The following COL4A2 variants were observed in gnomAD, a reference collection of about 807,000 sequenced individuals.
The protein encoded by COL4A2 is collagen type IV alpha 2 chain, also known as collagen alpha-2(IV) chain.
COL4A2 carries 99 observed loss-of-function variants against 200.2 expected under a neutral mutation model. That is an observed-to-expected ratio of 0.49 (90% CI 0.42 to 0.58). The LOEUF is 0.58. COL4A2 is among the 20% of genes least tolerant of loss of function. The pLI is 0.00. For synonymous variants in COL4A2, 897 were observed against 900.6 expected (o/e 1.00, Z 0.07); for missense variants, 1,950 against 2,314.1 (o/e 0.84, Z 3.23).
intron 6 of COL4A2, among the ~76,000 whole-genome samples, chr13:110,425,302 T>C (rs1880430923): frequency 6.6e-6 from 1 of 152,174 alleles, no homozygotes; most frequent in African/African-American, 2.4e-5. Flanking sequence ...TCTTGTGATC[T>C]CGTTCGAACT....
intron 3 of COL4A2, among the ~76,000 whole-genome samples, chr13:110,355,334 G>A (rs1185861285): frequency 7.2e-6 from 1 of 139,648 alleles, no homozygotes; most frequent in Admixed American, 6.8e-5. Context: ...GGAGAGGGCT[G>A]CACTAGCTCA....
At chr13:110,438,124 CG>C (rs890890300) in intron 14 of COL4A2, 87 bp downstream of exon 14, 3 of 1,054,910 alleles carry the variant, frequency 2.8e-6, no homozygotes, top group African/African-American at 3.2e-5. Flanking sequence ...ACCATGCGCT[CG>C]GGGCCCGCAC....
At chr13:110,335,800 A>G (rs1169625875) in intron 3 of COL4A2, among the ~76,000 whole-genome samples, 4 of 152,236 alleles carry the variant, frequency 2.6e-5, no homozygotes, top group Admixed American at 2.0e-4. Context: ...CCTTTCTTCT[A>G]TGGAGTTTAA....
chr13:110,317,021 C>T (rs1885148512), intron 3 of COL4A2, among the ~76,000 whole-genome samples: 1 of 151,828 alleles, frequency 6.6e-6, no homozygotes. Flanking sequence ...CACACAGACA[C>T]ACAGATGCAC....
intron 32 of COL4A2, 102 bp from the exon 33 acceptor site, chr13:110,484,803 G>T: frequency 7.0e-7 from 1 of 1,434,276 alleles, no homozygotes; most frequent in South Asian, 1.6e-5. Flanking sequence ...TCCCTGCTTG[G>T]GGGAGACGTG....
At chr13:110,489,822 A>G (rs1883227782) in intron 36 of COL4A2, 37 bp downstream of exon 36, 3 of 1,586,436 alleles carry the variant, frequency 1.9e-6, no homozygotes, top group East Asian at 2.2e-5. Context: ...ATCTTCAACA[A>G]CAGCCCTGAG....
At chr13:110,311,343 TGTG>T (rs1164776299) in intron 3 of COL4A2, among the ~76,000 whole-genome samples, 1 of 152,148 alleles carries the variant, frequency 6.6e-6, no homozygotes, top group Non-Finnish European at 1.5e-5. Context: ...CTTGTTTGAA[TGTG>T]GTGCCAAGAT....
intron 47 of COL4A2, among the ~76,000 whole-genome samples, chr13:110,511,649 C>T (rs776868100): frequency 2.6e-5 from 4 of 152,228 alleles, no homozygotes; most frequent in Non-Finnish European, 5.9e-5. Context: ...TCTGCTGTCA[C>T]GGCTCTAGTT....
At chr13:110,501,532 G>T in intron 40 of COL4A2, 136 bp from the exon 41 acceptor site, 13 of 659,006 alleles carry the variant, frequency 2.0e-5, no homozygotes, top group East Asian at 1.0e-4. Flanking sequence ...GATGTTCCTT[G>T]GCCTGAGGGC....
At chr13:110,317,213 C>A (rs944448666) in intron 3 of COL4A2, among the ~76,000 whole-genome samples, 1 of 142,740 alleles carries the variant, frequency 7.0e-6, no homozygotes, top group Non-Finnish European at 1.5e-5. Flanking sequence ...CACACGTGCA[C>A]CCCACACACA....
At chr13:110,366,922 G>T (rs1337787545) in intron 4 of COL4A2, among the ~76,000 whole-genome samples, 1 of 152,220 alleles carries the variant, frequency 6.6e-6, no homozygotes, top group African/African-American at 2.4e-5. Flanking sequence ...AGTTCATTGT[G>T]GTGTAGACCA....
chr13:110,437,129 G>T (rs1360835797), intron 13 of COL4A2, among the ~76,000 whole-genome samples: 2 of 152,232 alleles, frequency 1.3e-5, no homozygotes, highest in Non-Finnish European at 2.9e-5. Flanking sequence ...AGCAGGGTGG[G>T]GCTTGGGTCC....
intron 4 of COL4A2, among the ~76,000 whole-genome samples, chr13:110,384,641 G>A (rs1173835028): frequency 6.6e-6 from 1 of 152,202 alleles, no homozygotes; most frequent in Non-Finnish European, 1.5e-5. Context: ...TCCTGCTCAT[G>A]CTCAAAGCCC....
intron 3 of COL4A2, among the ~76,000 whole-genome samples, chr13:110,328,858 C>A (rs963367979): frequency 6.6e-6 from 1 of 152,248 alleles, no homozygotes; most frequent in Non-Finnish European, 1.5e-5. Context: ...TCATCTAATT[C>A]ACTAGCTAAA....
At chr13:110,423,875 G>A (rs1381277584) in intron 4 of COL4A2, among the ~76,000 whole-genome samples, 6 of 152,130 alleles carry the variant, frequency 3.9e-5, no homozygotes, top group South Asian at 2.1e-4. Context: ...AGGTTCTTCC[G>A]TGTCACAGCC....
intron 3 of COL4A2, among the ~76,000 whole-genome samples, chr13:110,312,597 T>A (rs2139341079): frequency 6.6e-6 from 1 of 152,342 alleles, no homozygotes; most frequent in South Asian, 2.1e-4. Context: ...GAATGTCTCA[T>A]TCTTTTTATC....
At chr13:110,419,244 A>T (rs1880154164) in intron 4 of COL4A2, among the ~76,000 whole-genome samples, 1 of 152,174 alleles carries the variant, frequency 6.6e-6, no homozygotes, top group African/African-American at 2.4e-5. Context: ...ATTTCCTACT[A>T]TTCAGATTTC....
intron 3 of COL4A2, among the ~76,000 whole-genome samples, chr13:110,312,074 G>A (rs11616361): frequency 0.14 from 20,722 of 152,266 alleles, 1,572 homozygotes; most frequent in Middle Eastern, 0.18. Flanking sequence ...ATTCTTTCCT[G>A]CATTTCCTGG....
At chr13:110,405,144 A>T (rs1879515200) in intron 4 of COL4A2, among the ~76,000 whole-genome samples, 2 of 152,212 alleles carry the variant, frequency 1.3e-5, no homozygotes, top group African/African-American at 4.8e-5. Flanking sequence ...AATAAAATTT[A>T]AAAACGTTAG....
Sources: gnomAD v4.1 joint callset for allele counts (sites outside exome capture counted in the v4.1 genomes callset) on GRCh38, gnomAD v4.1.1 for gene constraint, MANE v1.5 for transcripts, NCBI Gene and HGNC (gene_info 2026-07-23, HGNC 2026-07-21) for gene names.